Variants in DAB1 observed in about 807,000 individuals in gnomAD.
DAB1 encodes DAB adaptor protein 1.
In DAB1, 15 loss-of-function variants were observed where a neutral mutation model predicts 64.6. That is an observed-to-expected ratio of 0.23 (90% confidence interval 0.16 to 0.36). The LOEUF (loss-of-function observed/expected upper bound fraction) is 0.36. Among genes scored for constraint, DAB1 ranks in the 10% least tolerant of loss-of-function variants. The pLI, the probability that DAB1 is intolerant of heterozygous loss-of-function variation, is 1.00. For missense variants in DAB1, 596 were observed against 706.7 expected, an observed-to-expected ratio of 0.84 and a Z score of 1.78; for synonymous variants, 235 against 251.9, an observed-to-expected ratio of 0.93 and a Z score of 0.64.
chr1:58,303,066 CCAA>C (rs1489735197), intron 4 of DAB1, among the ~76,000 whole-genome samples: 1 of 152,108 alleles, frequency 6.6e-6, no homozygotes, highest in Admixed American at 6.6e-5. Context: ...CTGGACTCAG[CCAA>C]CAAGAGGAAG....
intron 1 of DAB1, among the ~76,000 whole-genome samples, chr1:57,835,066 A>T (rs1040125055): frequency 1.3e-5 from 2 of 152,244 alleles, no homozygotes; most frequent in African/African-American, 4.8e-5. Flanking sequence ...ATGGATTGGC[A>T]TGTGCAAAAA....
At chr1:57,400,110 A>G (rs1396234322) in intron 1 of DAB1, among the ~76,000 whole-genome samples, 1 of 152,170 alleles carries the variant, frequency 6.6e-6, no homozygotes, top group African/African-American at 2.4e-5. Context: ...TTGTAATATC[A>G]CTACTACTTG....
intron 5 of DAB1, among the ~76,000 whole-genome samples, chr1:58,072,080 T>C (rs1489502672): frequency 1.1e-4 from 1 of 9,274 alleles, no homozygotes; most frequent in African/African-American, 4.6e-4. Flanking sequence ...ACATTATTGG[T>C]GGGGTGGGGG....
chr1:58,353,759 T>C (rs866131639), intron 3 of DAB1, among the ~76,000 whole-genome samples: 14 of 152,160 alleles, frequency 9.2e-5, no homozygotes, highest in African/African-American at 3.1e-4. Context: ...CAATGTGTTT[T>C]ATCTACTATG....
At chr1:57,894,663 G>T (rs1437958337) in intron 5 of DAB1, among the ~76,000 whole-genome samples, 1 of 152,152 alleles carries the variant, frequency 6.6e-6, no homozygotes, top group African/African-American at 2.4e-5. Flanking sequence ...AACTCGAAGG[G>T]TTTAAGCAGA....
intron 3 of DAB1, among the ~76,000 whole-genome samples, chr1:58,497,559 T>A (rs1440962426): frequency 2.0e-5 from 3 of 152,164 alleles, no homozygotes; most frequent in Non-Finnish European, 4.4e-5. Flanking sequence ...GCATAAGAGT[T>A]ATTTTCTACT....
At chr1:58,056,403 A>G (rs1648101524) in intron 5 of DAB1, 1 of 1,564,662 alleles carries the variant, frequency 6.4e-7, no homozygotes, top group Non-Finnish European at 8.7e-7. Context: ...CGCATCGGGC[A>G]CAGTTAGTGC....
At chr1:57,755,354 T>C (rs1187296023) in intron 6 of DAB1, among the ~76,000 whole-genome samples, 1 of 152,198 alleles carries the variant, frequency 6.6e-6, no homozygotes, top group Non-Finnish European at 1.5e-5. Flanking sequence ...GGTTTTCTTT[T>C]ATGCTTTTTA....
intron 5 of DAB1, among the ~76,000 whole-genome samples, chr1:57,895,179 G>A (rs1644374504): frequency 6.6e-6 from 1 of 152,090 alleles, no homozygotes; most frequent in Non-Finnish European, 1.5e-5. Context: ...GGTAACTATG[G>A]GTAACAATGG....
chr1:57,785,542 A>G (rs1012720361), intron 6 of DAB1, among the ~76,000 whole-genome samples: 1 of 152,158 alleles, frequency 6.6e-6, no homozygotes, highest in Non-Finnish European at 1.5e-5. Flanking sequence ...TCCAGCCTTC[A>G]TGGATGACTT....
intron 9 of DAB1, among the ~76,000 whole-genome samples, chr1:57,049,450 C>CAAAGAAAAAAAA (rs1648935505): frequency 4.1e-5 from 1 of 24,586 alleles, no homozygotes; most frequent in Non-Finnish European, 7.2e-5. Context: ...GACTCCGTCT[C>CAAAGAAAAAAAA]AAAAAAAAAA....
chr1:58,363,692 G>A (rs1644188942), intron 3 of DAB1, among the ~76,000 whole-genome samples: 1 of 152,224 alleles, frequency 6.6e-6, no homozygotes, highest in East Asian at 1.9e-4. Flanking sequence ...AGACACTGTG[G>A]AAAGTTTCAT....
At chr1:58,177,960 T>C (rs1458704081) in intron 4 of DAB1, among the ~76,000 whole-genome samples, 1 of 152,198 alleles carries the variant, frequency 6.6e-6, no homozygotes, top group Admixed American at 6.5e-5. Flanking sequence ...TTTTCATCCA[T>C]GAAATGGGTC....
chr1:57,003,880 C>A (rs1645963781), intron 14 of DAB1, among the ~76,000 whole-genome samples: 1 of 152,196 alleles, frequency 6.6e-6, no homozygotes, highest in Non-Finnish European at 1.5e-5. Flanking sequence ...CATTTCTTCA[C>A]CCTAAAGACT....
At chr1:58,223,731 G>A (rs1659307173) in intron 4 of DAB1, among the ~76,000 whole-genome samples, 1 of 152,164 alleles carries the variant, frequency 6.6e-6, no homozygotes. Context: ...ACATCTGACA[G>A]CAAAGAACAG....
chr1:58,413,512 C>T (rs1006993506), intron 3 of DAB1, among the ~76,000 whole-genome samples: 18 of 152,276 alleles, frequency 1.2e-4, no homozygotes, highest in Non-Finnish European at 2.4e-4. Context: ...TCAAACTGCA[C>T]TGTCTCCCTG....
At chr1:57,682,689 G>A (rs1246113077) in intron 6 of DAB1, among the ~76,000 whole-genome samples, 1 of 152,082 alleles carries the variant, frequency 6.6e-6, no homozygotes, top group African/African-American at 2.4e-5. Flanking sequence ...TTTGCCCAGG[G>A]GTAGGCAGAG....
chr1:57,633,071 T>C (rs140778532), intron 7 of DAB1, among the ~76,000 whole-genome samples: 85 of 152,342 alleles, frequency 5.6e-4, no homozygotes, highest in African/African-American at 1.9e-3. Context: ...AGAATATTGT[T>C]CTCTAAATCA....
intron 3 of DAB1, among the ~76,000 whole-genome samples, chr1:58,425,786 AACATGG>A (rs2100230328): frequency 6.6e-6 from 1 of 152,206 alleles, no homozygotes; most frequent in Admixed American, 6.5e-5. Flanking sequence ...AACACAGTCA[AACATGG>A]CAGAGTTCAA....
Sources: gnomAD v4.1 joint callset for allele counts (sites outside exome capture counted in the v4.1 genomes callset) on GRCh38, gnomAD v4.1.1 for gene constraint, MANE v1.5 for transcripts, NCBI Gene and HGNC (gene_info 2026-07-23, HGNC 2026-07-21) for gene names.